The following FSTL4 variants were observed in gnomAD, a reference collection of about 807,000 sequenced individuals.
The protein encoded by FSTL4 is follistatin-related protein 4.
A neutral mutation model predicts 78.2 loss-of-function variants in FSTL4; 28 were observed. That is an observed-to-expected ratio of 0.36 (90% CI 0.27 to 0.49). FSTL4 has a LOEUF of 0.49. Ranked by LOEUF, FSTL4 falls within the 20% of genes least tolerant of loss-of-function variation. The pLI is 0.98. For synonymous variants in FSTL4, 422 were observed against 440.5 expected (o/e 0.96, Z 0.53); for missense variants, 922 against 1,084.9 (o/e 0.85, Z 2.11).
chr5:133,422,625 TG>T (rs1029412306), intron 3 of FSTL4, among the ~76,000 whole-genome samples: 1 of 151,752 alleles, frequency 6.6e-6, no homozygotes, highest in Non-Finnish European at 1.5e-5. Flanking sequence ...CGTGTCTAAG[TG>T]GGGAAAATCA....
chr5:133,831,432 C>T, the FSTL4 span, among the ~76,000 whole-genome samples: 5 of 152,200 alleles, frequency 3.3e-5, no homozygotes, highest in Non-Finnish European at 5.9e-5. Flanking sequence ...GAGAACTCCA[C>T]ACGCAACCTC....
chr5:133,271,513 G>C (rs1752763739), intron 6 of FSTL4, among the ~76,000 whole-genome samples: 1 of 152,182 alleles, frequency 6.6e-6, no homozygotes, highest in Non-Finnish European at 1.5e-5. Context: ...GCCAGGAGTG[G>C]CTAGCCTTTC....
chr5:133,652,939 T>C, the FSTL4 span, among the ~76,000 whole-genome samples: 1 of 152,196 alleles, frequency 6.6e-6, no homozygotes, highest in African/African-American at 2.4e-5. Flanking sequence ...TAATTTTCAT[T>C]ATAAAATTAT....
the FSTL4 span, among the ~76,000 whole-genome samples, chr5:133,717,696 C>T: frequency 3.3e-5 from 5 of 152,202 alleles, no homozygotes; most frequent in Admixed American, 3.3e-4. Context: ...TTATGTCTAG[C>T]TTCTTTCATT....
At chr5:133,565,769 AT>A (rs1388730598) in intron 3 of FSTL4, among the ~76,000 whole-genome samples, 3 of 152,204 alleles carry the variant, frequency 2.0e-5, no homozygotes, top group African/African-American at 7.2e-5. Flanking sequence ...TATTAGAGAC[AT>A]TTTCAACACA....
At chr5:133,482,164 T>C in intron 3 of FSTL4, among the ~76,000 whole-genome samples, 1 of 152,188 alleles carries the variant, frequency 6.6e-6, no homozygotes, top group Admixed American at 6.5e-5. Context: ...ATCTGCTCAG[T>C]ATGGAAGGAA....
chr5:133,203,576 A>AT (rs902788921), intron 14 of FSTL4, among the ~76,000 whole-genome samples: 27 of 152,048 alleles, frequency 1.8e-4, no homozygotes, highest in South Asian at 6.2e-4. Flanking sequence ...TTTCTCTGTG[A>AT]TTTTTTTTAA....
the FSTL4 span, among the ~76,000 whole-genome samples, chr5:133,684,951 T>C: frequency 3.3e-5 from 5 of 152,310 alleles, no homozygotes; most frequent in Admixed American, 6.5e-5. Flanking sequence ...TGTGACAAGA[T>C]TTAAATAGCA....
intron 13 of FSTL4, among the ~76,000 whole-genome samples, chr5:133,213,795 C>G (rs925972064): frequency 6.6e-6 from 1 of 152,102 alleles, no homozygotes; most frequent in Non-Finnish European, 1.5e-5. Flanking sequence ...GTATCAAATA[C>G]TCCAAGTAAA....
chr5:133,742,129 G>A, the FSTL4 span, among the ~76,000 whole-genome samples: 1 of 152,194 alleles, frequency 6.6e-6, no homozygotes, highest in Non-Finnish European at 1.5e-5. Flanking sequence ...TACCCTTGGC[G>A]GGTCCACATG....
chr5:133,642,184 A>C, the FSTL4 span, among the ~76,000 whole-genome samples: 1 of 152,180 alleles, frequency 6.6e-6, no homozygotes, highest in African/African-American at 2.4e-5. Flanking sequence ...TTTTTCTGGC[A>C]AGAATAGTGC....
At chr5:133,221,898 T>TG (rs1751126106) in intron 11 of FSTL4, among the ~76,000 whole-genome samples, 1 of 88,910 alleles carries the variant, frequency 1.1e-5, no homozygotes, top group Non-Finnish European at 2.0e-5. Flanking sequence ...CTAGTTTTTT[T>TG]TTTTTTTTTT....
At chr5:133,282,539 A>C (rs1002860991) in intron 6 of FSTL4, among the ~76,000 whole-genome samples, 1 of 152,204 alleles carries the variant, frequency 6.6e-6, no homozygotes, top group African/African-American at 2.4e-5. Context: ...CATTTCTCCC[A>C]TACGATTCTT....
At chr5:133,530,462 A>G (rs1759228445) in intron 3 of FSTL4, among the ~76,000 whole-genome samples, 1 of 152,240 alleles carries the variant, frequency 6.6e-6, no homozygotes, top group South Asian at 2.1e-4. Flanking sequence ...CAGTCACGTG[A>G]CATGCATTGT....
chr5:133,357,411 G>A (rs1561684802), intron 4 of FSTL4, among the ~76,000 whole-genome samples: 1 of 152,180 alleles, frequency 6.6e-6, no homozygotes, highest in Non-Finnish European at 1.5e-5. Flanking sequence ...TGGCTCACAG[G>A]AGATGCTGAT....
the FSTL4 span, among the ~76,000 whole-genome samples, chr5:133,786,774 A>C: frequency 3.3e-5 from 5 of 152,184 alleles, no homozygotes; most frequent in East Asian, 1.9e-4. Flanking sequence ...CAACAACAAC[A>C]ACCATTATAA....
chr5:133,695,667 T>G, the FSTL4 span, among the ~76,000 whole-genome samples: 1 of 152,106 alleles, frequency 6.6e-6, no homozygotes, highest in Non-Finnish European at 1.5e-5. Flanking sequence ...TCTTTCAACT[T>G]GTCATCATCA....
At chr5:133,271,598 T>C (rs558370668) in intron 6 of FSTL4, among the ~76,000 whole-genome samples, 1 of 152,316 alleles carries the variant, frequency 6.6e-6, no homozygotes, top group South Asian at 2.1e-4. Context: ...CTTAATGAGA[T>C]ACCAAGTCCC....
intron 4 of FSTL4, among the ~76,000 whole-genome samples, chr5:133,394,696 G>C (rs1430574706): frequency 4.6e-5 from 7 of 152,244 alleles, no homozygotes; most frequent in Admixed American, 4.6e-4. Context: ...CTGCTCCGTG[G>C]CACCAGGTCC....
Sources: gnomAD v4.1 joint callset for allele counts (sites outside exome capture counted in the v4.1 genomes callset) on GRCh38, gnomAD v4.1.1 for gene constraint, MANE v1.5 for transcripts, NCBI Gene and HGNC (gene_info 2026-07-23, HGNC 2026-07-21) for gene names.